Variants in C20orf203 observed in about 807,000 individuals in gnomAD.
C20orf203 encodes chromosome 20 open reading frame 203.
In C20orf203, 16 loss-of-function variants were observed where a neutral mutation model predicts 15.9. That is an observed-to-expected ratio of 1.01 (90% CI 0.68 to 1.53). The LOEUF is 1.53. C20orf203 is among the 40% of genes most tolerant of loss of function. The probability of loss-of-function intolerance (pLI) is 0.00; values close to 1 mark genes in which losing one functional copy is unlikely to be tolerated. For missense variants in C20orf203, 263 were observed against 247.5 expected, an observed-to-expected ratio of 1.06 and a Z score of -0.42; for synonymous variants, 98 against 97.2, an observed-to-expected ratio of 1.01 and a Z score of -0.05.
chr20:32,642,868 A>G (rs1180303638), intron 4 of C20orf203, among the ~76,000 whole-genome samples: 3 of 152,010 alleles, frequency 2.0e-5, no homozygotes, highest in Non-Finnish European at 2.9e-5. Flanking sequence ...TCCATCTCTG[A>G]GCCTCAGTTC....
intron 1 of C20orf203, among the ~76,000 whole-genome samples, chr20:32,656,076 G>A (rs1825448044): frequency 6.6e-6 from 1 of 152,130 alleles, no homozygotes; most frequent in African/African-American, 2.4e-5. Context: ...GCCATGATTG[G>A]AAGCTTCCTG....
At chr20:32,655,505 T>G (rs779360687) in intron 1 of C20orf203, among the ~76,000 whole-genome samples, 1 of 151,968 alleles carries the variant, frequency 6.6e-6, no homozygotes, top group South Asian at 2.1e-4. Flanking sequence ...AGTTTAAAAA[T>G]GGGCTGAGCC....
rs1982012001 is a variant in C20orf203, at chr20:32,632,143, T to TAA, written c.*3426_*3427insTT. The TAA allele has an allele frequency of 2.6e-5, 4 of 152,218 alleles. No individual in the cohort carries two copies. Among genetic ancestry groups the TAA allele is most frequent in the Non-Finnish European group, 4.4e-5 (3 of 68,066 alleles). The allele number at this position is 152,218 out of a possible 1,614,324, so 9.4% of individuals were successfully genotyped here. The stretch of plus-strand genomic sequence containing the variant: ...GGAACCCAGAGCAGTCTCCCCAGCC[T>TAA]GGGCTTGCATTTGAGCCTCACAAAT... On this transcript the variant is annotated 3_prime_UTR_variant, in exon 6 of 6. Transcript: ENST00000608990.
At chr20:32,671,258 T>A (rs1449002677) in intron 1 of C20orf203, among the ~76,000 whole-genome samples, 2 of 152,308 alleles carry the variant, frequency 1.3e-5, no homozygotes, top group Admixed American at 6.5e-5. Context: ...TTATTCACAA[T>A]AGCCAAGAGG....
rs1157983109 is a variant in C20orf203 at position 32,634,080 on chromosome 20, G to A, written c.*1490C>T. ...TGTTGGGAATTCCGAGATGAATCCA[G>A]CCTGAGCTTTGTCCTTGGGGGACAC... On this transcript the variant is annotated 3_prime_UTR_variant, in exon 6 of 6. Coordinates refer to ENST00000608990, the MANE Select transcript of C20orf203 (RefSeq NM_182584.4). 14 of 398,510 alleles carry A rather than the reference G, an allele frequency of 3.5e-5. No homozygotes were observed. The highest frequency in any genetic ancestry group is 6.2e-5 in the Non-Finnish European group (14 of 226,110). The allele number at this position is 398,510 out of a possible 1,614,324, so 24.7% of individuals were successfully genotyped here.
At position 32,646,140 on chromosome 20, in the gene C20orf203, A is replaced by AT. The variant is rs372951670; in HGVS notation, c.*1177+3114dup. On this transcript the variant is annotated intron_variant, in intron 4 of 5. Transcript: ENST00000608990. ...CCTTAAGGTAAGGGTCAGTATGAGG[A>AT]TTTTTTTTTTGAGACAGAGTCTTGC... Among the ~76,000 whole-genome samples, 70 of 136,278 alleles carry AT rather than the reference A, an allele frequency of 5.1e-4. No homozygotes were observed. In the East Asian group the frequency reaches 9.7e-3, roughly 19 times the overall value. 89.4% of individuals were successfully genotyped at this position (136,278 alleles called of 152,430 possible).
At chr20:32,654,059 C>G (rs757175663) in intron 1 of C20orf203, among the ~76,000 whole-genome samples, 1 of 150,452 alleles carries the variant, frequency 6.6e-6, no homozygotes, top group Non-Finnish European at 1.5e-5. Context: ...CGCCACTGCA[C>G]TCCAGCCTGG....
Position 32,650,772 on chromosome 20 carries a change from C to A in C20orf203, c.245G>T (p.Arg82Leu), listed in dbSNP as rs187530306. The change falls in exon 4 of 6, where the codon CGC (arginine) becomes CTC (leucine). Residue 82 changes from arginine (R) to leucine (L), a missense_variant. Transcript: ENST00000608990. ...QRVHPQPSHQ[R>L]QPPPPQHPGP... ...TGGGTGTTGCGGAGGAGGAGGCTGG[C>A]GCTGGTGGCTGGGCTGGGGGTGGAC... The A allele has an allele frequency of 2.6e-6, 4 of 1,514,852 alleles. No individual in the cohort carries two copies. In the African/African-American group the frequency reaches 5.6e-5, roughly 21 times the overall value. 93.8% of individuals were successfully genotyped at this position (1,514,852 alleles called of 1,614,324 possible).
chr20:32,662,063 C>T (rs568085224), intron 1 of C20orf203, among the ~76,000 whole-genome samples: 6 of 152,342 alleles, frequency 3.9e-5, no homozygotes, highest in African/African-American at 1.4e-4. Flanking sequence ...GCACTTTCCA[C>T]CACCCGCTCA....
chr20:32,650,414 G>A lies in C20orf203; in HGVS notation c.*18C>T, dbSNP rs1174502905. The A allele has an allele frequency of 3.3e-6, 5 of 1,537,476 alleles. No homozygotes were observed. Among genetic ancestry groups the A allele is most frequent in the Non-Finnish European group, 3.5e-6 (4 of 1,137,634 alleles). On this transcript the variant is annotated 3_prime_UTR_variant, in exon 4 of 6. Coordinates refer to ENST00000608990, the MANE Select transcript of C20orf203 (RefSeq NM_182584.4). ...GGACAGGCAGGCAGAGCTGGGGGTGGGGGCGCCCTGGGCTCGGCTAATTAA... is the reference window on the plus strand; with the variant it reads ...GGACAGGCAGGCAGAGCTGGGGGTGAGGGCGCCCTGGGCTCGGCTAATTAA...
Position 32,650,755 on chromosome 20 carries a change from G to T in C20orf203, c.262C>A (p.Gln88Lys), listed in dbSNP as rs1219308092. 6 of 1,528,026 alleles carry T rather than the reference G, an allele frequency of 3.9e-6. No homozygotes were observed. In the African/African-American group the frequency reaches 4.1e-5, roughly 11 times the overall value. The allele number at this position is 1,528,026 out of a possible 1,614,324, so 94.7% of individuals were successfully genotyped here. A position where few individuals can be genotyped will look rare whatever the true frequency, so the allele number is the denominator to read the frequency against. Residue 88 changes from glutamine (Q) to lysine (K), a missense_variant, in exon 4 of 6, where the codon CAA (glutamine) becomes AAA (lysine). Coordinates refer to ENST00000608990, the MANE Select transcript of C20orf203 (RefSeq NM_182584.4). The stretch of plus-strand genomic sequence containing the variant: ...CTTTCCTGATAAGGGCCTGGGTGTT[G>T]CGGAGGAGGAGGCTGGCGCTGGTGG... ...PSHQRQPPPP[Q>K]HPGPYQERIW...
At position 32,651,174 on chromosome 20, in the gene C20orf203, A is replaced by C; in HGVS notation, c.-14-8T>G. The stretch of plus-strand genomic sequence containing the variant: ...ACATAGGAGACCCTCTCTCTAAAAA[A>C]AAAAAAAAAAAAAAAAAAATTAGCT... On this transcript the variant is annotated splice_polypyrimidine_tract_variant and splice_region_variant and intron_variant, in intron 2 of 5. Coordinates refer to ENST00000608990, the MANE Select transcript of C20orf203 (RefSeq NM_182584.4). 2.0e-6 allele frequency: 1 copy of C among 497,980 alleles called. No individual in the cohort carries two copies. The highest frequency in any genetic ancestry group is 3.4e-6 in the Non-Finnish European group (1 of 294,786). The allele number at this position is 497,980 out of a possible 1,614,324, so 30.8% of individuals were successfully genotyped here. A position where few individuals can be genotyped will look rare whatever the true frequency, so the allele number is the denominator to read the frequency against.
intron 5 of C20orf203, 24 bp from the exon 6 acceptor site, chr20:32,634,294 C>A (rs1600923078): frequency 2.5e-6 from 1 of 398,358 alleles, no homozygotes; most frequent in Non-Finnish European, 4.4e-6. Context: ...AAAGAATTAG[C>A]AAGACAGGCA....
rs1400728762 is a variant in C20orf203, at chr20:32,650,809, T to C, written c.208A>G (p.Lys70Glu). The C allele has an allele frequency of 6.7e-7, 1 of 1,487,326 alleles. No individual in the cohort carries two copies. Among genetic ancestry groups the C allele is most frequent in the Non-Finnish European group, 9.0e-7 (1 of 1,116,618 alleles). 92.1% of individuals were successfully genotyped at this position (1,487,326 alleles called of 1,614,324 possible). The change falls in exon 4 of 6, where the codon AAG becomes GAG. Residue 70 changes from lysine to glutamate, a missense_variant. Lys to Glu is a moderately conservative substitution (Grantham distance 56). Coordinates refer to ENST00000608990, the MANE Select transcript of C20orf203 (RefSeq NM_182584.4). ...LGGGAGRRTS[K>E]AQRVHPQPSH... is the part of the protein sequence containing the mutation. ...GGCTGGGGGTGGACTCGCTGAGCCT[T>C]TGAGGTCCTCCTTCCCGCCCCACCG...
chr20:32,652,609 A>C (rs1267956979), intron 1 of C20orf203, among the ~76,000 whole-genome samples: 4 of 151,828 alleles, frequency 2.6e-5, no homozygotes, highest in African/African-American at 9.7e-5. Context: ...TCTATCCTGG[A>C]GGTATCTAGG....
At chr20:32,636,830 C>G (rs1600924637) in intron 5 of C20orf203, among the ~76,000 whole-genome samples, 1 of 152,232 alleles carries the variant, frequency 6.6e-6, no homozygotes, top group East Asian at 1.9e-4. Flanking sequence ...ACCCATTCAT[C>G]CTGGTCTGCC....
Position 32,673,731 on chromosome 20 carries a change from A to G in C20orf203, c.-363T>C, listed in dbSNP as rs1243636111. 1.3e-5 allele frequency: 2 copies of G among 152,344 alleles called. No homozygotes were observed. Among genetic ancestry groups the G allele is most frequent in the Admixed American group, 6.5e-5 (1 of 15,278 alleles). 9.4% of individuals were successfully genotyped at this position (152,344 alleles called of 1,614,324 possible). On this transcript the variant is annotated 5_prime_UTR_variant, in exon 1 of 6. An upstream start codon of the reference 5' UTR is lost. Transcript: ENST00000608990. ...TGTCTGGGAGATTCTTCAAGGGCACATAAAACATATCTGCCTTTGCTCACT... is the reference window on the plus strand; with the variant it reads ...TGTCTGGGAGATTCTTCAAGGGCACGTAAAACATATCTGCCTTTGCTCACT...
chr20:32,641,908 G>C (rs1418006560), intron 4 of C20orf203, among the ~76,000 whole-genome samples: 1 of 152,106 alleles, frequency 6.6e-6, no homozygotes, highest in African/African-American at 2.4e-5. Context: ...CACGATCTCG[G>C]CTCAGTGCAA....
At position 32,651,886 on chromosome 20, in the gene C20orf203, T is replaced by G. The variant is rs1184948820; in HGVS notation, c.-168A>C. 2 of 152,106 alleles carry G rather than the reference T, an allele frequency of 1.3e-5. No individual in the cohort carries two copies. Among genetic ancestry groups the G allele is most frequent in the Non-Finnish European group, 2.9e-5 (2 of 68,050 alleles). 9.4% of individuals were successfully genotyped at this position (152,106 alleles called of 1,614,324 possible). ...GGGACCTGGATTCCTATGTTGACAT[T>G]TGTTGAGCATCTACTGGATGCAGGG... On this transcript the variant is annotated 5_prime_UTR_variant, in exon 2 of 6. Coordinates refer to ENST00000608990, the MANE Select transcript of C20orf203 (RefSeq NM_182584.4).
Sources: allele counts gnomAD v4.1 joint callset (sites outside exome capture counted in the v4.1 genomes callset), GRCh38; gene constraint gnomAD v4.1.1; transcripts MANE v1.5; gene names NCBI Gene and HGNC (gene_info 2026-07-23, HGNC 2026-07-21).